TENM3: variants seen among roughly 807,000 people sequenced by gnomAD.
The protein encoded by TENM3 is teneurin-3.
In TENM3, 63 loss-of-function variants were observed where a neutral mutation model predicts 255.1. That is an observed-to-expected ratio of 0.25 (90% CI 0.20 to 0.30). The LOEUF is 0.30. TENM3 is among the 10% of genes least tolerant of loss of function. The pLI, the probability that TENM3 is intolerant of heterozygous loss-of-function variation, is 1.00. For missense variants in TENM3, 2,929 were observed against 3,461.1 expected, an observed-to-expected ratio of 0.85 and a Z score of 3.86; for synonymous variants, 1,306 against 1,322.3, an observed-to-expected ratio of 0.99 and a Z score of 0.27.
intron 12 of TENM3, among the ~76,000 whole-genome samples, chr4:182,691,516 A>C (rs1228922808): frequency 6.6e-6 from 1 of 152,188 alleles, no homozygotes; most frequent in African/African-American, 2.4e-5. Flanking sequence ...ATAGGTTATG[A>C]ATTTGGAGTG....
the TENM3 span, among the ~76,000 whole-genome samples, chr4:181,773,706 T>G: frequency 6.6e-6 from 1 of 152,170 alleles, no homozygotes; most frequent in Non-Finnish European, 1.5e-5. Flanking sequence ...GTGTTTAAAA[T>G]TTGTGTGTGT....
At chr4:182,557,274 A>T (rs1347208607) in intron 3 of TENM3, among the ~76,000 whole-genome samples, 2 of 152,206 alleles carry the variant, frequency 1.3e-5, no homozygotes, top group African/African-American at 4.8e-5. Context: ...GCATTTGTTA[A>T]CTGGGACCCT....
chr4:181,499,319 T>C, the TENM3 span, among the ~76,000 whole-genome samples: 1 of 152,178 alleles, frequency 6.6e-6, no homozygotes, highest in East Asian at 1.9e-4. Flanking sequence ...AACTATAATA[T>C]AATAATTTGG....
chr4:182,792,552 A>C lies in TENM3; in HGVS notation c.5880A>C (p.Leu1960Phe), dbSNP rs1451850036. The change falls in exon 26 of 28, where the codon TTA becomes TTC. Residue 1960 changes from leucine (L) to phenylalanine (F), a missense_variant. Leu to Phe is a conservative substitution (Grantham distance 22, BLOSUM62 0). Transcript: ENST00000511685. The surrounding 1 kb of genome is among the most constrained non-coding windows in gnomAD (Gnocchi z 6.3). ...GGCAGACTAGGCTCTCAGAAATTTT[A>C]TATGATAGCACAAGAGTCAGTTTTA... The part of the protein sequence containing the change: ...YRRQTRLSEI[L>F]YDSTRVSFTY... 6 of 1,613,916 alleles carry C rather than the reference A, an allele frequency of 3.7e-6. No individual in the cohort carries two copies. The Admixed American group carries it at 1.0e-4, about 27-fold the overall frequency.
intron 4 of TENM3, among the ~76,000 whole-genome samples, chr4:182,623,708 A>G (rs181972344): frequency 1.3e-5 from 2 of 152,152 alleles, no homozygotes; most frequent in African/African-American, 4.8e-5. Flanking sequence ...CAGCTCTTCC[A>G]TGATGCTCTG....
chr4:182,779,278 A>G (rs1194391255), intron 24 of TENM3, among the ~76,000 whole-genome samples: 1 of 151,734 alleles, frequency 6.6e-6, no homozygotes, highest in Non-Finnish European at 1.5e-5. Context: ...TCATTGTTCA[A>G]TTCCCACCTA....
chr4:181,511,557 C>T, the TENM3 span, among the ~76,000 whole-genome samples: 2 of 152,222 alleles, frequency 1.3e-5, no homozygotes, highest in Non-Finnish European at 2.9e-5. Context: ...TCCTCCTCTT[C>T]ACTCTGAGAG....
At chr4:181,831,517 AT>A in the TENM3 span, among the ~76,000 whole-genome samples, 4 of 148,870 alleles carry the variant, frequency 2.7e-5, no homozygotes, top group African/African-American at 1.0e-4. Flanking sequence ...AAAAAACCTG[AT>A]TTTTTAGAGT....
At chr4:181,963,171 AC>A in the TENM3 span, among the ~76,000 whole-genome samples, 1 of 152,252 alleles carries the variant, frequency 6.6e-6, no homozygotes, top group Non-Finnish European at 1.5e-5. Flanking sequence ...TACTGCTTCT[AC>A]AAAAGCTGTC....
At chr4:182,504,139 A>G (rs1195634684) in intron 3 of TENM3, among the ~76,000 whole-genome samples, 1 of 151,826 alleles carries the variant, frequency 6.6e-6, no homozygotes, top group African/African-American at 2.4e-5. Context: ...GACGCCCGGA[A>G]ACTGCTCAAA....
chr4:182,499,281 G>C (rs984643643), intron 3 of TENM3, among the ~76,000 whole-genome samples: 1 of 152,158 alleles, frequency 6.6e-6, no homozygotes, highest in African/African-American at 2.4e-5. Flanking sequence ...ATAAATTACA[G>C]CCTCAATTGC....
chr4:181,636,379 A>G, the TENM3 span, among the ~76,000 whole-genome samples: 1 of 152,300 alleles, frequency 6.6e-6, no homozygotes, highest in South Asian at 2.1e-4. Context: ...GATTGGAAGA[A>G]GCCCACCCAC....
chr4:182,084,025 A>C, the TENM3 span, among the ~76,000 whole-genome samples: 20 of 152,204 alleles, frequency 1.3e-4, no homozygotes, highest in African/African-American at 4.3e-4. Flanking sequence ...GTAATTTTCT[A>C]AAGCCATAAG....
rs1733361648 is a variant in TENM3 at position 182,473,544 on chromosome 4, G to A, written c.511+126615G>A. 2.6e-5 allele frequency among the ~76,000 whole-genome samples: 4 copies of A among 152,220 alleles called. No individual in the cohort carries two copies. In the South Asian group the frequency reaches 8.3e-4, roughly 32 times the overall value. ...AAAAATTAGCCAGGCGTGGTGGCGG[G>A]TGCCTGTAGTCCCAGCTACTCGGGA... On this transcript the variant is annotated intron_variant, in intron 3 of 27. Coordinates refer to ENST00000511685, the MANE Select transcript of TENM3 (RefSeq NM_001080477.4).
At chr4:181,466,364 C>T in the TENM3 span, among the ~76,000 whole-genome samples, 1 of 152,062 alleles carries the variant, frequency 6.6e-6, no homozygotes, top group Non-Finnish European at 1.5e-5. Context: ...GATCCACCCG[C>T]CTCGGCCTCT....
chr4:182,761,779 G>GAT (rs1259972514), intron 22 of TENM3, among the ~76,000 whole-genome samples: 1 of 152,054 alleles, frequency 6.6e-6, no homozygotes, highest in Non-Finnish European at 1.5e-5. Context: ...TTCTATTTTT[G>GAT]ATAGAATTTT....
At chr4:182,030,610 G>T in the TENM3 span, among the ~76,000 whole-genome samples, 1 of 152,158 alleles carries the variant, frequency 6.6e-6, no homozygotes. Flanking sequence ...TAATGGAATT[G>T]CTGGGTCAAG....
chr4:182,285,909 A>C (rs1258590372), intron 1 of TENM3, among the ~76,000 whole-genome samples: 1 of 152,208 alleles, frequency 6.6e-6, no homozygotes, highest in East Asian at 1.9e-4. Flanking sequence ...ATAAATAATA[A>C]TTACAATCGA....
intron 3 of TENM3, among the ~76,000 whole-genome samples, chr4:182,489,559 C>G (rs1274021627): frequency 6.6e-6 from 1 of 152,090 alleles, no homozygotes; most frequent in Non-Finnish European, 1.5e-5. Context: ...AAAAACCAAC[C>G]TGTATTGAGT....
Sources: gnomAD v4.1 joint callset for allele counts (sites outside exome capture counted in the v4.1 genomes callset) on GRCh38, gnomAD v4.1.1 for gene constraint, Gnocchi (gnomAD v3.1) non-coding constraint, MANE v1.5 for transcripts, NCBI Gene and HGNC (gene_info 2026-07-23, HGNC 2026-07-21) for gene names.